Variants in IQCH observed in about 807,000 individuals in gnomAD.
IQCH encodes the protein IQ domain-containing protein H.
Under a neutral mutation model 117.0 loss-of-function variants are expected in IQCH, and 98 were observed. The observed-to-expected ratio is 0.84, with a 90% CI of 0.71 to 0.99. The LOEUF (loss-of-function observed/expected upper bound fraction) is 0.99. IQCH is among the 50% of genes least tolerant of loss of function. The pLI is 0.00. For synonymous variants in IQCH, 412 were observed against 448.2 expected, an observed-to-expected ratio of 0.92 and a Z score of 1.02; for missense variants, 1,102 against 1,243.8, an observed-to-expected ratio of 0.89 and a Z score of 1.72.
At chr15:67,382,900 C>T (rs760132522) in intron 10 of IQCH, among the ~76,000 whole-genome samples, 4 of 152,196 alleles carry the variant, frequency 2.6e-5, no homozygotes, top group Admixed American at 6.5e-5. Flanking sequence ...TTGATAGTTT[C>T]GTGGTTAAGT....
chr15:67,362,218 T>G (rs1300425043), intron 8 of IQCH, among the ~76,000 whole-genome samples: 1 of 151,562 alleles, frequency 6.6e-6, no homozygotes, highest in Admixed American at 6.6e-5. Context: ...TAAACAAAAA[T>G]GTGTCCGTGG....
rs981367683 is a variant in IQCH at position 67,467,714 on chromosome 15, C to G, written c.2676+2417C>G. Among the ~76,000 whole-genome samples, 15 of 152,152 alleles carry G rather than the reference C, an allele frequency of 9.9e-5. No homozygotes were observed. Among genetic ancestry groups the G allele is most frequent in the African/African-American group, 3.6e-4 (15 of 41,434 alleles). ...CAACTCACAAGCAAATCGAAGCTTC[C>G]TGAACAAGTGTGAACAGACTATGAT... On this transcript the variant is annotated intron_variant, in intron 17 of 20. Transcript: ENST00000335894. The surrounding 1 kb of genome is among the most constrained non-coding windows in gnomAD (Gnocchi z 5.7).
chr15:67,319,988 C>T (rs1968036923), intron 4 of IQCH, among the ~76,000 whole-genome samples: 1 of 152,228 alleles, frequency 6.6e-6, no homozygotes, highest in Admixed American at 6.5e-5. Context: ...TTAATCTCTT[C>T]ATTGACTTCG....
rs761719516 is a variant in IQCH at position 67,408,944 on chromosome 15, A to G, written c.2098-7987A>G. Among the ~76,000 whole-genome samples the G allele has an allele frequency of 2.2e-4, 34 of 152,212 alleles. No individual in the cohort carries two copies. Among genetic ancestry groups the G allele is most frequent in the Admixed American group, 7.9e-4 (12 of 15,278 alleles). On this transcript the variant is annotated intron_variant, in intron 14 of 20. Coordinates refer to ENST00000335894, the MANE Select transcript of IQCH (RefSeq NM_001031715.3). The surrounding 1 kb of genome is among the most constrained non-coding windows in gnomAD (Gnocchi z 4.2). ...TACTTGATATCACTCTTATATTTTA[A>G]TATAATTTCCTTAAAACCATTTTCC...
intron 5 of IQCH, among the ~76,000 whole-genome samples, chr15:67,340,615 T>C (rs1403546480): frequency 6.6e-6 from 1 of 152,120 alleles, no homozygotes; most frequent in Non-Finnish European, 1.5e-5. Flanking sequence ...CCATGAAAAG[T>C]AGAGACTCAA....
rs907820332 is a variant in IQCH at position 67,365,142 on chromosome 15, T to C, written c.753+5257T>C. 2.0e-5 allele frequency among the ~76,000 whole-genome samples: 3 copies of C among 152,112 alleles called. No homozygotes were observed. The East Asian group carries it at 5.8e-4, about 29-fold the overall frequency. ...GCATTTCTTTGTCGAGATGGGGTTT[T>C]ACCATGTTGCCCAGGCTGGTCTGGA... On this transcript the variant is annotated intron_variant, in intron 8 of 20. Transcript: ENST00000335894. The surrounding 1 kb of genome is among the most constrained non-coding windows in gnomAD (Gnocchi z 4.4).
chr15:67,274,371 T>G (rs1966035726), intron 3 of IQCH, among the ~76,000 whole-genome samples: 1 of 152,192 alleles, frequency 6.6e-6, no homozygotes, highest in Admixed American at 6.5e-5. Flanking sequence ...ATTTTTCTTC[T>G]CTGACTGTGT....
chr15:67,436,590 A>G lies in IQCH; in HGVS notation c.2505+15013A>G, dbSNP rs189102332. ...CTGGCGAGAACTCAGGGGAGGGCAC[A>G]AATCCGGTGTGCAGACTCCATAGGC... On this transcript the variant is annotated intron_variant, in intron 16 of 20. Transcript: ENST00000335894. The surrounding 1 kb of genome is among the most constrained non-coding windows in gnomAD (Gnocchi z 5.1). Among the ~76,000 whole-genome samples, 430 of 152,306 alleles carry G rather than the reference A, an allele frequency of 2.8e-3. 5 individuals carry two copies. The highest frequency in any genetic ancestry group is 0.01 in the African/African-American group (425 of 41,566).
At chr15:67,362,922 C>T (rs1400943388) in intron 8 of IQCH, among the ~76,000 whole-genome samples, 1 of 152,228 alleles carries the variant, frequency 6.6e-6, no homozygotes, top group African/African-American at 2.4e-5. Context: ...AATAAGCCTA[C>T]TTCTTAAAAG....
intron 16 of IQCH, among the ~76,000 whole-genome samples, chr15:67,438,007 T>G (rs1351698828): frequency 6.6e-6 from 1 of 152,202 alleles, no homozygotes; most frequent in African/African-American, 2.4e-5. Flanking sequence ...TCCCCGGCCT[T>G]GTGAGAGACC....
intron 2 of IQCH, among the ~76,000 whole-genome samples, chr15:67,262,507 G>T (rs1965503493): frequency 6.6e-6 from 1 of 152,122 alleles, no homozygotes; most frequent in African/African-American, 2.4e-5. Context: ...GACCCAGCTG[G>T]AGTCTTTGGG....
intron 18 of IQCH, among the ~76,000 whole-genome samples, chr15:67,487,731 C>T (rs960061884): frequency 6.6e-6 from 1 of 152,078 alleles, no homozygotes; most frequent in Non-Finnish European, 1.5e-5. Flanking sequence ...TAGCCACTGT[C>T]TGTACTAAAG....
intron 4 of IQCH, chr15:67,307,097 A>C (rs1179960128): frequency 3.4e-5 from 42 of 1,230,618 alleles, no homozygotes; most frequent in Admixed American, 4.1e-5. Flanking sequence ...ATAACTGATT[A>C]TAACTGTTAT....
At chr15:67,294,755 A>G (rs140024433) in intron 4 of IQCH, among the ~76,000 whole-genome samples, 1 of 152,332 alleles carries the variant, frequency 6.6e-6, no homozygotes, top group East Asian at 1.9e-4. Context: ...TACCTCTGCC[A>G]TGTGAGAATA....
At position 67,385,773 on chromosome 15, in the gene IQCH, A is replaced by C. The variant is rs186977012; in HGVS notation, c.1456+754A>C. 1.3e-5 allele frequency among the ~76,000 whole-genome samples: 2 copies of C among 152,324 alleles called. No individual in the cohort carries two copies. Among genetic ancestry groups the C allele is most frequent in the African/African-American group, 2.4e-5 (1 of 41,570 alleles). Reference sequence around the variant, plus strand: ...TTTGTGAGATACTTGCCAAAAATTCAAGGTTACACAAAAATTAGATTTGTA... The same window carrying C: ...TTTGTGAGATACTTGCCAAAAATTCCAGGTTACACAAAAATTAGATTTGTA... On this transcript the variant is annotated intron_variant, in intron 11 of 20. Transcript: ENST00000335894. This position sits in a 1 kb window ranked among gnomAD's most constrained non-coding sequence, Gnocchi z 4.6.
intron 18 of IQCH, among the ~76,000 whole-genome samples, 158 bp from the exon 19 acceptor site, chr15:67,489,845 T>G (rs939543019): frequency 2.6e-5 from 4 of 151,994 alleles, no homozygotes; most frequent in African/African-American, 9.7e-5. Context: ...CTCCAAATTC[T>G]AGAGGCAGCC....
At position 67,426,641 on chromosome 15, in the gene IQCH, A is replaced by C. The variant is rs2081898456; in HGVS notation, c.2505+5064A>C. Reference sequence around the variant, plus strand: ...AAAATAAAAATAAAAATGAAAAGCTAAATAGAACTTGGAACATAGTAACTG... The same window carrying C: ...AAAATAAAAATAAAAATGAAAAGCTCAATAGAACTTGGAACATAGTAACTG... On this transcript the variant is annotated intron_variant, in intron 16 of 20. Coordinates refer to ENST00000335894, the MANE Select transcript of IQCH (RefSeq NM_001031715.3). This position sits in a 1 kb window ranked among gnomAD's most constrained non-coding sequence, Gnocchi z 5.1. 6.6e-6 allele frequency among the ~76,000 whole-genome samples: 1 copy of C among 152,080 alleles called. No homozygotes were observed.
chr15:67,307,567 T>G (rs1167361603), intron 4 of IQCH, among the ~76,000 whole-genome samples: 2 of 152,126 alleles, frequency 1.3e-5, no homozygotes, highest in Non-Finnish European at 2.9e-5. Flanking sequence ...GATTGTGTTT[T>G]AAGCCCATGC....
chr15:67,340,443 A>C lies in IQCH; in HGVS notation c.508+3348A>C, dbSNP rs1197684864. 2.5e-3 allele frequency among the ~76,000 whole-genome samples: 347 copies of C among 136,734 alleles called. 8 individuals carry two copies. The Middle Eastern group carries it at 0.058, about 23-fold the overall frequency. The allele number at this position is 136,734 out of a possible 152,430, so 89.7% of individuals were successfully genotyped here. A position where few individuals can be genotyped will look rare whatever the true frequency, so the allele number is the denominator to read the frequency against. ...CTCCATCTCAAAAAAAAAAAAAAAA[A>C]AAAAAAAAAAAAAAAAAAAAACAGT... On this transcript the variant is annotated intron_variant, in intron 5 of 20. Transcript: ENST00000335894.
Sources: gnomAD v4.1 joint callset for allele counts (sites outside exome capture counted in the v4.1 genomes callset) on GRCh38, gnomAD v4.1.1 for gene constraint, Gnocchi (gnomAD v3.1) non-coding constraint, MANE v1.5 for transcripts, NCBI Gene and HGNC (gene_info 2026-07-23, HGNC 2026-07-21) for gene names.